IARS2: variants seen among roughly 807,000 people sequenced by gnomAD.
IARS2 encodes the protein isoleucyl-tRNA synthetase 2, mitochondrial.
Under a neutral mutation model 126.3 loss-of-function variants are expected in IARS2, and 56 were observed. The ratio of observed to expected loss-of-function variants is 0.44; its 90% CI spans 0.36 to 0.55. The LOEUF (loss-of-function observed/expected upper bound fraction) is 0.55, where lower values mean the gene tolerates loss of function less well. Among genes scored for constraint, IARS2 ranks in the 20% least tolerant of loss-of-function variants. IARS2 has a pLI of 0.00. For missense variants in IARS2, 1,127 were observed against 1,245.9 expected, an observed-to-expected ratio of 0.90 and a Z score of 1.44; for synonymous variants, 407 against 441.1, an observed-to-expected ratio of 0.92 and a Z score of 0.97.
intron 10 of IARS2, among the ~76,000 whole-genome samples, chr1:220,108,891 G>A (rs1656743075): frequency 7.2e-6 from 1 of 139,710 alleles, no homozygotes; most frequent in Non-Finnish European, 1.5e-5. Context: ...TTATTGGAGG[G>A]ACTGGTTCTT....
chr1:220,102,701 G>A lies in IARS2; in HGVS notation c.874G>A (p.Val292Ile). The A allele has an allele frequency of 5.0e-6, 8 of 1,612,422 alleles. No individual in the cohort carries two copies. The highest frequency in any genetic ancestry group is 6.8e-6 in the Non-Finnish European group (8 of 1,178,484). ...TATTTTCACAGATGGTTCATCTCCT[G>A]TTAGTATTTTGGTCTGGACCACACA... ...LASLIDGSSP[V>I]SILVWTTQPW... Residue 292 changes from valine to isoleucine, a missense_variant, in exon 7 of 23, where the codon GTT becomes ATT. By Grantham distance (29) the Val-to-Ile change is conservative. Transcript: ENST00000366922.
chr1:220,094,210 C>G lies in IARS2; in HGVS notation c.-7C>G, dbSNP rs762291764. ...CGGAGGACCCCGCTCTCAGGGGTTG[C>G]CGGACCATGCGTTGGGGGCTGCGCC... On this transcript the variant is annotated 5_prime_UTR_variant, in exon 1 of 23. Transcript: ENST00000366922. 2 of 1,558,572 alleles carry G rather than the reference C, an allele frequency of 1.3e-6. No individual in the cohort carries two copies. The highest frequency in any genetic ancestry group is 8.7e-7 in the Non-Finnish European group (1 of 1,155,004).
rs763779261 is a variant in IARS2 at position 220,100,659 on chromosome 1, C to T, written c.550+10C>T. The T allele has an allele frequency of 1.3e-6, 2 of 1,582,842 alleles. No individual in the cohort carries two copies. The highest frequency in any genetic ancestry group is 2.3e-5 in the South Asian group (2 of 88,232). ...GAAATTAGAAAGAAAGGTAAATAAT[C>T]TGTATTTCTGTTTTAAAATGATATT... On this transcript the variant is annotated intron_variant, in intron 3 of 22. Coordinates refer to ENST00000366922, the MANE Select transcript of IARS2 (RefSeq NM_018060.4).
rs1391028500 is a variant in IARS2, at chr1:220,136,863, G to A, written c.2001G>A (p.Lys667=). The A allele has an allele frequency of 6.2e-7, 1 of 1,612,362 alleles. No individual in the cohort carries two copies. The highest frequency in any genetic ancestry group is 1.7e-5 in the Admixed American group (1 of 59,960). Residue 667 remains lysine (K), a synonymous_variant, in exon 16 of 23, where the codon AAG becomes AAA. Transcript: ENST00000366922. ...GAGAAAAGGGAGAAAAGATGTCCAA[G>A]TCTCTTGGGAATGTCATTCATCCTG... is the stretch of plus-strand genomic sequence containing the variant. ...TLGEKGEKMS[K]SLGNVIHPDV...
In IARS2 at chr1:220,103,439, T is replaced by G; in HGVS notation, c.951-8T>G. 1 of 1,456,120 alleles carries G rather than the reference T, an allele frequency of 6.9e-7. No homozygotes were observed. Among genetic ancestry groups the G allele is most frequent in the Non-Finnish European group, 9.5e-7 (1 of 1,047,462 alleles). The allele number at this position is 1,456,120 out of a possible 1,614,324, so 90.2% of individuals were successfully genotyped here. ...TTATTAGTAATTTCTCCTAAAATTT[T>G]ATGTTAGGTATGCTGTTGTGAAATG... On this transcript the variant is annotated splice_polypyrimidine_tract_variant and splice_region_variant and intron_variant, in intron 7 of 22. Transcript: ENST00000366922.
intron 12 of IARS2, among the ~76,000 whole-genome samples, chr1:220,121,904 C>G (rs1360437923): frequency 6.6e-6 from 1 of 152,010 alleles, no homozygotes; most frequent in Admixed American, 6.6e-5. Flanking sequence ...CCAGCCTGAG[C>G]AACAAAGCGA....
chr1:220,119,793 G>A (rs1000510918), intron 12 of IARS2, among the ~76,000 whole-genome samples: 1 of 152,042 alleles, frequency 6.6e-6, no homozygotes, highest in Admixed American at 6.6e-5. Context: ...TGTTAAAAAT[G>A]TCAGCTTAGC....
intron 12 of IARS2, among the ~76,000 whole-genome samples, chr1:220,121,780 G>A (rs1558126141): frequency 6.6e-6 from 1 of 152,076 alleles, no homozygotes; most frequent in Non-Finnish European, 1.5e-5. Flanking sequence ...TATTAAAGTT[G>A]AATTTAGGAT....
chr1:220,095,570 A>G (rs1656421394), intron 1 of IARS2, among the ~76,000 whole-genome samples: 1 of 152,208 alleles, frequency 6.6e-6, no homozygotes, highest in Admixed American at 6.5e-5. Context: ...CCAGCCCTGT[A>G]AGATGGATAT....
intron 16 of IARS2, 191 bp from the exon 17 acceptor site, chr1:220,137,723 CTCTT>C (rs1342619167): frequency 8.8e-6 from 5 of 565,234 alleles, no homozygotes; most frequent in Admixed American, 3.1e-5. Context: ...GCAGAGCACG[CTCTT>C]TCTTTTTCCA....
chr1:220,123,491 TGA>T (rs1438228300), intron 12 of IARS2, among the ~76,000 whole-genome samples: 1 of 152,208 alleles, frequency 6.6e-6, no homozygotes, highest in Non-Finnish European at 1.5e-5. Flanking sequence ...TTATTTTTTT[TGA>T]GACGGAGTCT....
At position 220,147,974 on chromosome 1, in the gene IARS2, T is replaced by C; in HGVS notation, c.*339T>C. On this transcript the variant is annotated 3_prime_UTR_variant, in exon 23 of 23. Coordinates refer to ENST00000366922, the MANE Select transcript of IARS2 (RefSeq NM_018060.4). The stretch of plus-strand genomic sequence containing the variant: ...GCCAAGCAGAAAATGTTTTATATTT[T>C]ATAAATCATCTTTTGACTCTGTATT... The C allele has an allele frequency of 2.5e-6, 1 of 393,714 alleles. No individual in the cohort carries two copies. Among genetic ancestry groups the C allele is most frequent in the Non-Finnish European group, 4.5e-6 (1 of 222,632 alleles). The allele number at this position is 393,714 out of a possible 1,614,324, so 24.4% of individuals were successfully genotyped here.
At chr1:220,136,329 A>G (rs1213634848) in intron 15 of IARS2, among the ~76,000 whole-genome samples, 1 of 152,146 alleles carries the variant, frequency 6.6e-6, no homozygotes, top group African/African-American at 2.4e-5. Context: ...ACAGGGTTTC[A>G]CCATGTTGGC....
At chr1:220,131,295 G>C (rs1657261405) in intron 14 of IARS2, among the ~76,000 whole-genome samples, 1 of 151,962 alleles carries the variant, frequency 6.6e-6, no homozygotes. Flanking sequence ...TCCTGCCTGA[G>C]CCTCCAGAGT....
intron 22 of IARS2, among the ~76,000 whole-genome samples, chr1:220,146,238 T>G (rs940587062): frequency 6.6e-6 from 1 of 152,024 alleles, no homozygotes; most frequent in African/African-American, 2.4e-5. Context: ...AAAAATAGGC[T>G]GGGCACGGTG....
intron 1 of IARS2, among the ~76,000 whole-genome samples, chr1:220,094,947 G>T (rs1656405981): frequency 6.6e-6 from 1 of 151,762 alleles, no homozygotes; most frequent in Admixed American, 6.6e-5. Flanking sequence ...GACCATATTG[G>T]CTAGTCACCC....
intron 14 of IARS2, among the ~76,000 whole-genome samples, chr1:220,130,748 G>A (rs192791176): frequency 3.3e-5 from 5 of 152,016 alleles, no homozygotes; most frequent in South Asian, 2.1e-4. Context: ...TAGTAGGGAC[G>A]GGGTTTCACC....
At chr1:220,113,483 A>G (rs113063098) in intron 11 of IARS2, among the ~76,000 whole-genome samples, 137 of 152,282 alleles carry the variant, frequency 9.0e-4, no homozygotes, top group African/African-American at 3.2e-3. Flanking sequence ...CTTTTTGGAG[A>G]CTATTAGTAA....
rs1558120279 is a variant in IARS2, at chr1:220,103,467, C to A, written c.971C>A (p.Ser324Tyr). 3.7e-6 allele frequency: 6 copies of A among 1,608,888 alleles called. No individual in the cohort carries two copies. Among genetic ancestry groups the A allele is most frequent in the Non-Finnish European group, 5.1e-6 (6 of 1,175,730 alleles). The change falls in exon 8 of 23, where the codon TCT (serine) becomes TAT (tyrosine). Residue 324 changes from serine (S) to tyrosine (Y), a missense_variant. Ser to Tyr is a moderately radical substitution (Grantham distance 144). Transcript: ENST00000366922. ...PESKYAVVKC[S>Y]KSGDLYVLAA... ...GTTAGGTATGCTGTTGTGAAATGTT[C>A]TAAGTCTGGAGACCTCTACGTACTG...
Sources: gnomAD v4.1 joint callset for allele counts (sites outside exome capture counted in the v4.1 genomes callset) on GRCh38, gnomAD v4.1.1 for gene constraint, MANE v1.5 for transcripts, NCBI Gene and HGNC (gene_info 2026-07-23, HGNC 2026-07-21) for gene names.